MARK2: variants seen among roughly 807,000 people sequenced by gnomAD.
The protein encoded by MARK2 is microtubule affinity regulating kinase 2.
A neutral mutation model predicts 89.8 loss-of-function variants in MARK2; 16 were observed. That is an observed-to-expected ratio of 0.18 (90% confidence interval 0.12 to 0.27). The LOEUF (loss-of-function observed/expected upper bound fraction) is 0.27, where lower values mean the gene tolerates loss of function less well. Ranked by LOEUF, MARK2 falls within the 10% of genes least tolerant of loss-of-function variation. The pLI, the probability that MARK2 is intolerant of heterozygous loss-of-function variation, is 1.00. For synonymous variants in MARK2, 382 were observed against 399.5 expected (o/e 0.96, Z 0.52); for missense variants, 621 against 1,049.9 (o/e 0.59, Z 5.65).
At chr11:63,889,901 C>T (rs763991568) in intron 1 of MARK2, among the ~76,000 whole-genome samples, 15 of 152,190 alleles carry the variant, frequency 9.9e-5, no homozygotes, top group Non-Finnish European at 5.9e-5. Context: ...TGGTGTGCCA[C>T]GTCTTACTAT....
At chr11:63,846,965 T>G (rs749844027) in intron 1 of MARK2, among the ~76,000 whole-genome samples, 16 of 152,154 alleles carry the variant, frequency 1.1e-4, no homozygotes, top group Non-Finnish European at 1.8e-4. Context: ...CCAAAAAAAT[T>G]TTTAAAAAGT....
chr11:63,848,139 G>A (rs1023334536), intron 1 of MARK2, among the ~76,000 whole-genome samples: 1 of 152,172 alleles, frequency 6.6e-6, no homozygotes, highest in African/African-American at 2.4e-5. Context: ...AGCAAGGCCA[G>A]CCAGGTAGGA....
chr11:63,865,323 C>T (rs1370816881), intron 1 of MARK2, among the ~76,000 whole-genome samples: 9 of 148,756 alleles, frequency 6.1e-5, no homozygotes, highest in African/African-American at 1.7e-4. Flanking sequence ...ACTGCAGCCT[C>T]GGCCCCCAAG....
At chr11:63,908,843 C>CT (rs781307750) in intron 18 of MARK2, 34 bp from the exon 19 acceptor site, 1 of 1,434,360 alleles carries the variant, frequency 7.0e-7, no homozygotes, top group Admixed American at 2.6e-5. Flanking sequence ...GTGCCTCAGC[C>CT]CCCCCGTGAC....
At chr11:63,897,328 T>C (rs1026980712) in intron 3 of MARK2, among the ~76,000 whole-genome samples, 7 of 152,212 alleles carry the variant, frequency 4.6e-5, no homozygotes, top group Non-Finnish European at 2.9e-5. Flanking sequence ...TAGGCCCTAA[T>C]AAAGGGTAAG....
At chr11:63,895,028 ATATC>A in intron 1 of MARK2, 127 bp from the exon 2 acceptor site, 1 of 660,982 alleles carries the variant, frequency 1.5e-6, no homozygotes, top group Admixed American at 2.9e-5. Context: ...TTCTGCTGCC[ATATC>A]ATTCTTCACA....
rs370112175 is a variant in MARK2 at position 63,909,207 on chromosome 11, C to G, written c.2337C>G (p.Ala779=). Residue 779 remains alanine, a synonymous_variant, in exon 19 of 19, where the codon GCC becomes GCG. Transcript: ENST00000402010. ...SGTSMAFKNI[A]SKIANELKL is the part of the protein sequence containing the mutation. Reference sequence around the variant, plus strand: ...CCTCCATGGCCTTCAAAAACATTGCCTCCAAAATAGCCAACGAGCTGAAGC... The same window carrying G: ...CCTCCATGGCCTTCAAAAACATTGCGTCCAAAATAGCCAACGAGCTGAAGC... The G allele has an allele frequency of 3.8e-6, 6 of 1,594,150 alleles. No homozygotes were observed. Among genetic ancestry groups the G allele is most frequent in the Non-Finnish European group, 5.2e-6 (6 of 1,163,574 alleles).
chr11:63,899,205 G>C (rs1349054797), intron 7 of MARK2, 97 bp downstream of exon 7: 3 of 771,000 alleles, frequency 3.9e-6, no homozygotes, highest in Non-Finnish European at 6.8e-6. Flanking sequence ...CAGGCCCTGA[G>C]TGTTCCAGGA....
At chr11:63,850,574 A>G (rs1344001721) in intron 1 of MARK2, among the ~76,000 whole-genome samples, 3 of 151,778 alleles carry the variant, frequency 2.0e-5, no homozygotes, top group Non-Finnish European at 2.9e-5. Context: ...AGGCATCAAT[A>G]TTAGATAGTT....
Position 63,860,570 on chromosome 11 carries a change from A to G in MARK2, c.54+21010A>G, listed in dbSNP as rs1166367795. ...CTCAAAAAAAAAAAAATAAATAGAA[A>G]TAAAAAAGCCAGGCACAGTGGCCCA... On this transcript the variant is annotated intron_variant, in intron 1 of 18. Coordinates refer to ENST00000402010, the MANE Select transcript of MARK2 (RefSeq NM_001039469.3). 2.8e-5 allele frequency among the ~76,000 whole-genome samples: 4 copies of G among 143,334 alleles called. No individual in the cohort carries two copies. In the Admixed American group the frequency reaches 2.8e-4, roughly 10 times the overall value. 94.0% of individuals were successfully genotyped at this position (143,334 alleles called of 152,430 possible).
chr11:63,874,119 T>C lies in MARK2; in HGVS notation c.55-21040T>C, dbSNP rs117897152. On this transcript the variant is annotated intron_variant, in intron 1 of 18. Coordinates refer to ENST00000402010, the MANE Select transcript of MARK2 (RefSeq NM_001039469.3). ...CTGACCACCTTTCCCTCTTCCTTCC[T>C]GTGTCTTGCGGCCAGCGACTGTTAT... is the stretch of plus-strand genomic sequence containing the variant. Among the ~76,000 whole-genome samples, 74 of 152,342 alleles carry C rather than the reference T, an allele frequency of 4.9e-4. 1 individual carries two copies. The East Asian group carries it at 0.01, about 21-fold the overall frequency.
At chr11:63,878,014 G>A (rs375356015) in intron 1 of MARK2, among the ~76,000 whole-genome samples, 1 of 152,200 alleles carries the variant, frequency 6.6e-6, no homozygotes, top group South Asian at 2.1e-4. Flanking sequence ...AACAGGATCC[G>A]GTTCTCAGTG....
chr11:63,905,243 C>G (rs1467813756), intron 16 of MARK2, among the ~76,000 whole-genome samples, 200 bp downstream of exon 16: 1 of 152,188 alleles, frequency 6.6e-6, no homozygotes, highest in Admixed American at 6.5e-5. Flanking sequence ...TCTTAGGCCT[C>G]TCCCCAACTC....
At position 63,874,250 on chromosome 11, in the gene MARK2, T is replaced by C. The variant is rs576119823; in HGVS notation, c.55-20909T>C. Among the ~76,000 whole-genome samples, 36 of 152,338 alleles carry C rather than the reference T, an allele frequency of 2.4e-4. No individual in the cohort carries two copies. In the South Asian group the frequency reaches 7.0e-3, roughly 30 times the overall value. Reference sequence around the variant, plus strand: ...GAACTGCACCTAAAAACAATTACTTTCCTCCTGATTCCAACATAAGTGGTC... The same window carrying C: ...GAACTGCACCTAAAAACAATTACTTCCCTCCTGATTCCAACATAAGTGGTC... On this transcript the variant is annotated intron_variant, in intron 1 of 18. Coordinates refer to ENST00000402010, the MANE Select transcript of MARK2 (RefSeq NM_001039469.3).
In MARK2 at chr11:63,895,157, A is replaced by T. The variant is rs1940269994; in HGVS notation, c.55-2A>T. On this transcript the variant is annotated splice_acceptor_variant, in intron 1 of 18. Transcript: ENST00000402010. LOFTEE classifies it high-confidence loss of function. ...AATGGTATCTCTGTTTCCACCCCGC[A>T]GCCCACCTTGGGACACCTTGACTCC... The T allele has an allele frequency of 6.2e-7, 1 of 1,611,608 alleles. No homozygotes were observed. The highest frequency in any genetic ancestry group is 8.5e-7 in the Non-Finnish European group (1 of 1,178,222).
intron 11 of MARK2, among the ~76,000 whole-genome samples, chr11:63,901,720 G>GTGTGTA (rs1460920893): frequency 6.6e-6 from 1 of 151,492 alleles, no homozygotes; most frequent in African/African-American, 2.4e-5. Context: ...GTGTGTGTGT[G>GTGTGTA]TGTATGTGTC....
intron 1 of MARK2, among the ~76,000 whole-genome samples, chr11:63,844,150 T>C (rs551929137): frequency 7.7e-4 from 117 of 152,310 alleles, no homozygotes; most frequent in Non-Finnish European, 1.5e-3. Flanking sequence ...TCGTAACCTT[T>C]GAATCTGAAA....
At chr11:63,861,986 C>A (rs938758688) in intron 1 of MARK2, among the ~76,000 whole-genome samples, 3 of 142,898 alleles carry the variant, frequency 2.1e-5, no homozygotes, top group African/African-American at 7.9e-5. Flanking sequence ...TGCAGTGGCA[C>A]TGTCTTGGCT....
intron 1 of MARK2, among the ~76,000 whole-genome samples, chr11:63,845,506 A>G (rs567155215): frequency 3.9e-5 from 6 of 152,150 alleles, no homozygotes; most frequent in Non-Finnish European, 8.8e-5. Context: ...CTTTCATCAA[A>G]CATGAGTGAG....
Sources: gnomAD v4.1 joint callset for allele counts (sites outside exome capture counted in the v4.1 genomes callset) on GRCh38, gnomAD v4.1.1 for gene constraint, MANE v1.5 for transcripts, NCBI Gene and HGNC (gene_info 2026-07-23, HGNC 2026-07-21) for gene names.